CTNND2: variants seen among roughly 807,000 people sequenced by gnomAD.
CTNND2 encodes the protein catenin delta-2.
A neutral mutation model predicts 144.4 loss-of-function variants in CTNND2; 22 were observed. The ratio of observed to expected loss-of-function variants is 0.15; its 90% CI spans 0.11 to 0.22. The LOEUF (loss-of-function observed/expected upper bound fraction) is 0.22. Among genes scored for constraint, CTNND2 ranks in the 10% least tolerant of loss-of-function variants. The pLI, the probability that CTNND2 is intolerant of heterozygous loss-of-function variation, is 1.00. For synonymous variants in CTNND2, 751 were observed against 695.6 expected (o/e 1.08, Z -1.25); for missense variants, 1,353 against 1,618.8 (o/e 0.84, Z 2.82).
intron 16 of CTNND2, among the ~76,000 whole-genome samples, chr5:11,062,930 T>C (rs934947565): frequency 6.6e-6 from 1 of 152,188 alleles, no homozygotes; most frequent in East Asian, 1.9e-4. Context: ...TTAATGCCAG[T>C]GTCTGGGTTA....
chr5:11,383,528 G>C (rs954344052), intron 7 of CTNND2, among the ~76,000 whole-genome samples: 31 of 152,254 alleles, frequency 2.0e-4, no homozygotes, highest in African/African-American at 7.0e-4. Context: ...TTCAGTAAAC[G>C]TAGCTAGCAT....
At chr5:11,849,582 C>T (rs184094471) in intron 1 of CTNND2, among the ~76,000 whole-genome samples, 11 of 152,228 alleles carry the variant, frequency 7.2e-5, no homozygotes, top group Non-Finnish European at 1.6e-4. Flanking sequence ...AGAACTGGTC[C>T]ATCTGGTGGT....
intron 9 of CTNND2, among the ~76,000 whole-genome samples, chr5:11,332,590 ACTT>A (rs1257818072): frequency 6.6e-6 from 1 of 152,100 alleles, no homozygotes; most frequent in African/African-American, 2.4e-5. Context: ...CATCTCCAAA[ACTT>A]CTTCATCATC....
intron 3 of CTNND2, among the ~76,000 whole-genome samples, chr5:11,438,286 C>CAT (rs1240922546): frequency 2.0e-5 from 3 of 152,324 alleles, no homozygotes; most frequent in African/African-American, 7.2e-5. Flanking sequence ...TCAACAAATA[C>CAT]ATATGTATTC....
intron 3 of CTNND2, among the ~76,000 whole-genome samples, chr5:11,453,698 T>G (rs1765483467): frequency 6.6e-6 from 1 of 152,172 alleles, no homozygotes; most frequent in Non-Finnish European, 1.5e-5. Context: ...AAGAAAACCC[T>G]TATTCAAAAC....
chr5:11,632,822 G>A (rs553997405), intron 2 of CTNND2, among the ~76,000 whole-genome samples: 1 of 152,218 alleles, frequency 6.6e-6, no homozygotes, highest in East Asian at 1.9e-4. Context: ...TAAATCAAAG[G>A]AAAATTCTGG....
At chr5:11,162,463 C>T (rs1321959311) in intron 11 of CTNND2, among the ~76,000 whole-genome samples, 2 of 152,146 alleles carry the variant, frequency 1.3e-5, no homozygotes, top group Admixed American at 6.5e-5. Context: ...TTCAGAATCA[C>T]GAACAAACAG....
At chr5:11,253,561 G>T (rs377293994) in intron 9 of CTNND2, among the ~76,000 whole-genome samples, 2 of 152,060 alleles carry the variant, frequency 1.3e-5, no homozygotes, top group African/African-American at 2.4e-5. Context: ...CACCATGATT[G>T]TGAGGCCTCC....
At chr5:11,147,187 T>C (rs1413345330) in intron 12 of CTNND2, among the ~76,000 whole-genome samples, 1 of 152,156 alleles carries the variant, frequency 6.6e-6, no homozygotes, top group Admixed American at 6.5e-5. Context: ...ACTTGTGAAG[T>C]GATGGGCCTT....
intron 2 of CTNND2, among the ~76,000 whole-genome samples, chr5:11,719,860 A>C (rs1786562195): frequency 6.6e-6 from 1 of 151,504 alleles, no homozygotes; most frequent in Non-Finnish European, 1.5e-5. Context: ...ACACACACAC[A>C]CACACACACA....
chr5:11,674,193 C>G (rs1784049481), intron 2 of CTNND2, among the ~76,000 whole-genome samples: 1 of 152,140 alleles, frequency 6.6e-6, no homozygotes, highest in African/African-American at 2.4e-5. Flanking sequence ...GAAACCATAT[C>G]TACAGCTTTT....
chr5:11,476,739 C>T (rs576697647), intron 3 of CTNND2, among the ~76,000 whole-genome samples: 2 of 152,238 alleles, frequency 1.3e-5, no homozygotes, highest in African/African-American at 2.4e-5. Context: ...GCCCAAAACA[C>T]TTAAAAATGT....
At position 11,397,079 on chromosome 5, in the gene CTNND2, G is replaced by T; in HGVS notation, c.564C>A (p.Leu188=). 1 of 1,614,078 alleles carries T rather than the reference G, an allele frequency of 6.2e-7. No homozygotes were observed. Among genetic ancestry groups the T allele is most frequent in the Non-Finnish European group, 8.5e-7 (1 of 1,180,038 alleles). Residue 188 remains leucine, a synonymous_variant, in exon 6 of 22, where the codon CTC becomes CTA. Transcript: ENST00000304623. The part of the protein sequence containing the change: ...LALGETTPSQ[L]PARGTQARAT... The stretch of plus-strand genomic sequence containing the variant: ...CTCGGGCTTGTGTGCCTCGGGCCGG[G>T]AGCTGTGAAGGGGTGGTTTCCCCCA...
intron 7 of CTNND2, among the ~76,000 whole-genome samples, chr5:11,365,145 C>G (rs1756849007): frequency 6.6e-6 from 1 of 152,292 alleles, no homozygotes; most frequent in East Asian, 1.9e-4. Flanking sequence ...GGAACAAGAC[C>G]AGTGAAATGT....
At chr5:11,376,322 G>GTGTGCGTGTGTGTGTGTTCATGTATC (rs1554044771) in intron 7 of CTNND2, among the ~76,000 whole-genome samples, 2 of 146,174 alleles carry the variant, frequency 1.4e-5, no homozygotes, top group South Asian at 2.1e-4. Flanking sequence ...TTGTGTGTGT[G>GTGTGCGTGTGTGTGTGTTCATGTATC]TGTGTGTGTG....
chr5:11,439,670 G>A (rs1419014531), intron 3 of CTNND2, among the ~76,000 whole-genome samples: 1 of 151,844 alleles, frequency 6.6e-6, no homozygotes, highest in Non-Finnish European at 1.5e-5. Context: ...GTAGCTAGGG[G>A]TACAAAACTA....
At chr5:11,419,732 A>C (rs1247727365) in intron 3 of CTNND2, among the ~76,000 whole-genome samples, 1 of 152,174 alleles carries the variant, frequency 6.6e-6, no homozygotes, top group South Asian at 2.1e-4. Context: ...TAATAAAAAT[A>C]TATATATGAA....
intron 1 of CTNND2, among the ~76,000 whole-genome samples, chr5:11,845,946 G>A (rs1794716115): frequency 6.6e-6 from 1 of 152,140 alleles, no homozygotes; most frequent in Non-Finnish European, 1.5e-5. Flanking sequence ...CCGTGAGAAA[G>A]AGAAACTTTG....
At position 11,141,293 on chromosome 5, in the gene CTNND2, AT is replaced by A. The variant is rs1195779996; in HGVS notation, c.2159+18282del. Among the ~76,000 whole-genome samples the A allele has an allele frequency of 7.1e-3, 1,049 of 148,068 alleles. 12 individuals are homozygous for A. The highest frequency in any genetic ancestry group is 0.023 in the African/African-American group (916 of 40,598). On this transcript the variant is annotated intron_variant, in intron 12 of 21. Coordinates refer to ENST00000304623, the MANE Select transcript of CTNND2 (RefSeq NM_001332.4). ...TAAAACAAATGCATATAAGACCGTC[AT>A]TTTTTTTTTTAATTTTGTAAATTGT...
Sources: gnomAD v4.1 joint callset for allele counts (sites outside exome capture counted in the v4.1 genomes callset) on GRCh38, gnomAD v4.1.1 for gene constraint, MANE v1.5 for transcripts, NCBI Gene and HGNC (gene_info 2026-07-23, HGNC 2026-07-21) for gene names.